SNTG2: variants seen among roughly 807,000 people sequenced by gnomAD.
The protein encoded by SNTG2 is gamma-2-syntrophin.
A neutral mutation model predicts 70.9 loss-of-function variants in SNTG2; 74 were observed. The observed-to-expected ratio is 1.04, with a 90% confidence interval of 0.86 to 1.27. The LOEUF (loss-of-function observed/expected upper bound fraction) is 1.27, where lower values mean the gene tolerates loss of function less well. Among genes scored for constraint, SNTG2 ranks in the 50% most tolerant of loss-of-function variants. The pLI, the probability that SNTG2 is intolerant of heterozygous loss-of-function variation, is 0.00. For missense variants in SNTG2, 717 were observed against 690.7 expected (o/e 1.04, Z -0.43); for synonymous variants, 278 against 273.8 (o/e 1.02, Z -0.15).
At chr2:1,263,540 T>G (rs1422844449) in intron 13 of SNTG2, among the ~76,000 whole-genome samples, 2 of 152,000 alleles carry the variant, frequency 1.3e-5, no homozygotes, top group African/African-American at 4.8e-5. Flanking sequence ...AGATGATGTC[T>G]TGCAGTCCTA....
intron 16 of SNTG2, among the ~76,000 whole-genome samples, chr2:1,352,922 C>T (rs1232262713): frequency 1.3e-5 from 2 of 152,026 alleles, no homozygotes; most frequent in African/African-American, 2.4e-5. Context: ...GATGTTGTAC[C>T]GGAAACCTTA....
intron 1 of SNTG2, among the ~76,000 whole-genome samples, chr2:1,033,877 A>G: frequency 6.6e-6 from 1 of 152,110 alleles, no homozygotes; most frequent in East Asian, 1.9e-4. Flanking sequence ...TTTCTTCCTA[A>G]CCCCACCAGA....
At chr2:1,332,889 T>C (rs9973424) in intron 16 of SNTG2, among the ~76,000 whole-genome samples, 83,158 of 151,972 alleles carry the variant, frequency 0.55, 22,806 homozygotes, top group Middle Eastern at 0.68. Context: ...CTCCTGAGAA[T>C]TGGAAGAAGA....
Position 1,353,093 on chromosome 2 carries a change from G to A in SNTG2, c.1489-14250G>A, listed in dbSNP as rs538090470. On this transcript the variant is annotated intron_variant, in intron 16 of 16. Coordinates refer to ENST00000308624, the MANE Select transcript of SNTG2 (RefSeq NM_018968.4). This position sits in a 1 kb window ranked among gnomAD's most constrained non-coding sequence, Gnocchi z 4.2. The stretch of plus-strand genomic sequence containing the variant: ...CCAGAAATCCACATGGTGCATTTTC[G>A]GAAAACTTTCCAGCCATTATGCAAA... Among the ~76,000 whole-genome samples the A allele has an allele frequency of 1.7e-4, 26 of 152,146 alleles. No homozygotes were observed. Among genetic ancestry groups the A allele is most frequent in the Non-Finnish European group, 2.6e-4 (18 of 67,992 alleles).
chr2:1,042,272 A>G (rs1434593455), intron 1 of SNTG2, among the ~76,000 whole-genome samples: 1 of 152,190 alleles, frequency 6.6e-6, no homozygotes, highest in African/African-American at 2.4e-5. Context: ...TACATTGACT[A>G]TTGATCAATT....
intron 16 of SNTG2, among the ~76,000 whole-genome samples, chr2:1,365,663 A>T (rs544046093): frequency 6.6e-6 from 1 of 152,096 alleles, no homozygotes; most frequent in African/African-American, 2.4e-5. Flanking sequence ...CAATGTAGGC[A>T]TCTTGGCCTC....
chr2:992,134 A>G (rs1027642285), intron 1 of SNTG2, among the ~76,000 whole-genome samples: 3 of 152,324 alleles, frequency 2.0e-5, no homozygotes, highest in South Asian at 4.1e-4. Context: ...AAGGAAACAT[A>G]TTTTATATAA....
At chr2:1,163,420 C>T (rs1670472230) in intron 6 of SNTG2, 1 of 150,942 alleles carries the variant, frequency 6.6e-6, no homozygotes, top group South Asian at 2.1e-4. Flanking sequence ...TGTGAAGCCT[C>T]CCAACAGGAA....
intron 1 of SNTG2, among the ~76,000 whole-genome samples, chr2:982,101 A>T (rs539058578): frequency 6.6e-6 from 1 of 152,338 alleles, no homozygotes; most frequent in African/African-American, 2.4e-5. Flanking sequence ...TTGGCTGCTA[A>T]TCTCTTTTAA....
intron 12 of SNTG2, among the ~76,000 whole-genome samples, chr2:1,250,504 CTCTGTCTCTT>C (rs1677690573): frequency 6.6e-6 from 1 of 152,042 alleles, no homozygotes. Context: ...TGACTCATCT[CTCTGTCTCTT>C]TCTGTCGTCT....
At chr2:975,593 C>T (rs1431967336) in intron 1 of SNTG2, among the ~76,000 whole-genome samples, 3 of 152,222 alleles carry the variant, frequency 2.0e-5, no homozygotes, top group Middle Eastern at 6.8e-3. Context: ...AAAACAGAAC[C>T]CTCTACATAC....
chr2:998,988 C>T (rs1431633245), intron 1 of SNTG2, among the ~76,000 whole-genome samples: 2 of 152,056 alleles, frequency 1.3e-5, no homozygotes, highest in Admixed American at 6.5e-5. Context: ...TAGGGTTCTA[C>T]TTTCAGGCTT....
intron 1 of SNTG2, among the ~76,000 whole-genome samples, chr2:1,008,989 C>T (rs1177649734): frequency 6.6e-6 from 1 of 152,146 alleles, no homozygotes; most frequent in African/African-American, 2.4e-5. Context: ...TACATAATTG[C>T]CTTTCAAATT....
chr2:1,039,970 G>A (rs1661340823), intron 1 of SNTG2, among the ~76,000 whole-genome samples: 1 of 152,168 alleles, frequency 6.6e-6, no homozygotes, highest in South Asian at 2.1e-4. Flanking sequence ...CTGGGATTGA[G>A]CTGGCTGTCA....
intron 9 of SNTG2, among the ~76,000 whole-genome samples, chr2:1,223,314 C>T (rs1374207679): frequency 6.7e-6 from 1 of 150,102 alleles, no homozygotes; most frequent in Non-Finnish European, 1.5e-5. Flanking sequence ...GGTGCTGGAT[C>T]GCTGTAGAGG....
At chr2:1,235,987 A>G (rs1676629060) in intron 9 of SNTG2, among the ~76,000 whole-genome samples, 2 of 152,140 alleles carry the variant, frequency 1.3e-5, no homozygotes, top group South Asian at 4.1e-4. Flanking sequence ...AAATATGCCT[A>G]AAAATAATAG....
intron 4 of SNTG2, among the ~76,000 whole-genome samples, chr2:1,127,418 G>A (rs903138462): frequency 2.6e-5 from 4 of 152,062 alleles, no homozygotes; most frequent in African/African-American, 9.7e-5. Context: ...TGTTTCTCAG[G>A]ATTGCTTTGG....
chr2:1,298,712 G>A (rs1680324149), intron 14 of SNTG2, among the ~76,000 whole-genome samples: 1 of 152,142 alleles, frequency 6.6e-6, no homozygotes, highest in African/African-American at 2.4e-5. Context: ...CAACTTGATT[G>A]GCTTGAAGGA....
chr2:1,154,321 G>A lies in SNTG2; in HGVS notation c.412-11227G>A, dbSNP rs568746709. Among the ~76,000 whole-genome samples the A allele has an allele frequency of 2.0e-5, 3 of 152,344 alleles. No individual in the cohort carries two copies. In the South Asian group the frequency reaches 6.2e-4, roughly 32 times the overall value. On this transcript the variant is annotated intron_variant, in intron 6 of 16. Transcript: ENST00000308624. ...TGGCATCTTCCCGGAGGGTCCAGTT[G>A]TGCTGCCTGTCCTTCCAGTTTTAAG...
Sources: allele counts gnomAD v4.1 joint callset (sites outside exome capture counted in the v4.1 genomes callset), GRCh38; gene constraint gnomAD v4.1.1; non-coding constraint Gnocchi (gnomAD v3.1); transcripts MANE v1.5; gene names NCBI Gene and HGNC (gene_info 2026-07-23, HGNC 2026-07-21).